EXT1: variants seen among roughly 807,000 people sequenced by gnomAD.
EXT1 encodes the protein exostosin glycosyltransferase 1, also known as exostosin-1.
Under a neutral mutation model 82.5 loss-of-function variants are expected in EXT1, and 20 were observed. The observed-to-expected ratio is 0.24, with a 90% CI of 0.17 to 0.35. The LOEUF (loss-of-function observed/expected upper bound fraction) is 0.35, where lower values mean the gene tolerates loss of function less well. EXT1 is among the 10% of genes least tolerant of loss of function. The pLI, the probability that EXT1 is intolerant of heterozygous loss-of-function variation, is 1.00. For synonymous variants in EXT1, 348 were observed against 350.8 expected, an observed-to-expected ratio of 0.99 and a Z score of 0.09; for missense variants, 757 against 936.5, an observed-to-expected ratio of 0.81 and a Z score of 2.50.
intron 4 of EXT1, among the ~76,000 whole-genome samples, chr8:117,824,309 AC>A (rs1451199621): frequency 6.6e-6 from 1 of 152,170 alleles, no homozygotes; most frequent in Non-Finnish European, 1.5e-5. Context: ...ATTGTCATAG[AC>A]TATCTTTTTG....
In EXT1 at chr8:117,798,294, T is replaced by A. The variant is rs2129674877; in HGVS notation, c.*1418A>T. On this transcript the variant is annotated 3_prime_UTR_variant, in exon 11 of 11. Transcript: ENST00000378204. ...CTTATTGTTTATTCAGCATAATACA[T>A]GGTCAAACTCAATAATGTCTTTCTC... The A allele has an allele frequency of 6.6e-6, 1 of 152,322 alleles. No homozygotes were observed. Among genetic ancestry groups the A allele is most frequent in the African/African-American group, 2.4e-5 (1 of 41,582 alleles). The allele number at this position is 152,322 out of a possible 1,614,324, so 9.4% of individuals were successfully genotyped here.
chr8:118,094,496 C>T (rs1468178633), intron 1 of EXT1, among the ~76,000 whole-genome samples: 1 of 152,178 alleles, frequency 6.6e-6, no homozygotes, highest in Admixed American at 6.5e-5. Context: ...AAGTTACAGG[C>T]ATCAAATGTA....
chr8:117,904,690 C>A (rs1307073707), intron 1 of EXT1, among the ~76,000 whole-genome samples: 1 of 152,116 alleles, frequency 6.6e-6, no homozygotes, highest in Admixed American at 6.5e-5. Flanking sequence ...CTACCTGCCC[C>A]CCAACACCAG....
At chr8:117,972,195 G>A (rs1586317597) in intron 1 of EXT1, among the ~76,000 whole-genome samples, 1 of 150,428 alleles carries the variant, frequency 6.6e-6, no homozygotes. Context: ...ATGAAAAACA[G>A]AAAAATGAAA....
At chr8:117,901,145 G>A (rs575263039) in intron 1 of EXT1, among the ~76,000 whole-genome samples, 6 of 152,316 alleles carry the variant, frequency 3.9e-5, no homozygotes, top group African/African-American at 4.8e-5. Context: ...ATGGGGTTAC[G>A]TTCTAAGAAG....
At chr8:117,954,192 G>A (rs1012556114) in intron 1 of EXT1, among the ~76,000 whole-genome samples, 1 of 152,180 alleles carries the variant, frequency 6.6e-6, no homozygotes, top group East Asian at 1.9e-4. Context: ...GCCCAGCTCT[G>A]ACTGCCCCTC....
At chr8:117,900,316 C>T (rs1813417979) in intron 1 of EXT1, among the ~76,000 whole-genome samples, 1 of 152,226 alleles carries the variant, frequency 6.6e-6, no homozygotes, top group Non-Finnish European at 1.5e-5. Flanking sequence ...TACACACCAC[C>T]TGCTTTTCAT....
At chr8:118,027,509 C>T (rs779479563) in intron 1 of EXT1, among the ~76,000 whole-genome samples, 3 of 152,196 alleles carry the variant, frequency 2.0e-5, no homozygotes, top group Non-Finnish European at 2.9e-5. Context: ...ACTATCTTCA[C>T]ACCTCCCTCT....
chr8:117,984,948 C>T (rs973651158), intron 1 of EXT1, among the ~76,000 whole-genome samples: 1 of 152,120 alleles, frequency 6.6e-6, no homozygotes, highest in East Asian at 1.9e-4. Flanking sequence ...CAGTCAGGAA[C>T]GCTACGGACG....
chr8:117,950,309 A>G (rs1586304418), intron 1 of EXT1, among the ~76,000 whole-genome samples: 1 of 152,210 alleles, frequency 6.6e-6, no homozygotes, highest in East Asian at 1.9e-4. Context: ...CATAAAGTCA[A>G]CAACACATCT....
At chr8:117,878,703 C>CCAGTG in intron 1 of EXT1, among the ~76,000 whole-genome samples, 1 of 152,206 alleles carries the variant, frequency 6.6e-6, no homozygotes, top group East Asian at 1.9e-4. Context: ...AATGCAACTA[C>CCAGTG]CTCAATGCCC....
intron 1 of EXT1, among the ~76,000 whole-genome samples, chr8:117,912,843 G>C (rs955487303): frequency 6.6e-6 from 1 of 152,166 alleles, no homozygotes; most frequent in African/African-American, 2.4e-5. Flanking sequence ...GAAACCATGA[G>C]CTAGGTTCCA....
intron 1 of EXT1, among the ~76,000 whole-genome samples, chr8:117,946,968 C>A (rs188235071): frequency 1.3e-5 from 2 of 151,950 alleles, no homozygotes; most frequent in Non-Finnish European, 2.9e-5. Flanking sequence ...ATTTATGGGG[C>A]GGATTTTTGA....
chr8:117,858,758 AAGGAAGGAAGGC>A lies in EXT1; in HGVS notation c.963-21569_963-21558del, dbSNP rs1295705397. 4.7e-3 allele frequency among the ~76,000 whole-genome samples: 256 copies of A among 54,778 alleles called. 3 individuals are homozygous for A. Among genetic ancestry groups the A allele is most frequent in the East Asian group, 5.6e-3 (18 of 3,202 alleles). The allele number at this position is 54,778 out of a possible 152,430, so 35.9% of individuals were successfully genotyped here. ...GAAGGAAGGAAGGAAGGAAGGAAGG[AAGGAAGGAAGGC>A]AGGCAGGCAGGCAGGCAGGCAAGGC... On this transcript the variant is annotated intron_variant, in intron 1 of 10. Coordinates refer to ENST00000378204, the MANE Select transcript of EXT1 (RefSeq NM_000127.3).
At chr8:117,990,225 A>G (rs767977146) in intron 1 of EXT1, among the ~76,000 whole-genome samples, 1 of 152,228 alleles carries the variant, frequency 6.6e-6, no homozygotes, top group African/African-American at 2.4e-5. Flanking sequence ...CTCTCTTCCT[A>G]TAGAGAAAGT....
At chr8:118,073,641 AGAGAAG>A (rs1586377819) in intron 1 of EXT1, among the ~76,000 whole-genome samples, 6 of 58,544 alleles carry the variant, frequency 1.0e-4, no homozygotes, top group African/African-American at 2.9e-4. Flanking sequence ...AAAGAAGAGA[AGAGAAG>A]AGAAGAGAAG....
chr8:117,897,759 T>C (rs1423803881), intron 1 of EXT1, among the ~76,000 whole-genome samples: 1 of 151,814 alleles, frequency 6.6e-6, no homozygotes, highest in East Asian at 1.9e-4. Flanking sequence ...CACGCCCAGC[T>C]AATTTTTGTA....
chr8:117,879,446 A>C (rs1813025035), intron 1 of EXT1, among the ~76,000 whole-genome samples: 1 of 152,174 alleles, frequency 6.6e-6, no homozygotes, highest in Admixed American at 6.5e-5. Flanking sequence ...CACATGAAAA[A>C]AAAAAAGGAA....
chr8:118,110,598 T>C lies in EXT1; in HGVS notation c.449A>G (p.Gln150Arg), dbSNP rs1817880148. 1 of 1,614,218 alleles carries C rather than the reference T, an allele frequency of 6.2e-7. No individual in the cohort carries two copies. The highest frequency in any genetic ancestry group is 8.5e-7 in the Non-Finnish European group (1 of 1,180,040). The change falls in exon 1 of 11, where the codon CAG becomes CGG. Residue 150 changes from glutamine (Q) to arginine (R), a missense_variant. Around this residue, in one of 4 missense-constraint regions of EXT1, gnomAD observed 247 missense variants for 330.1 expected, o/e 0.75. Coordinates refer to ENST00000378204, the MANE Select transcript of EXT1 (RefSeq NM_000127.3). ...CAGACTCAGGACAAAGAGGCACGCCTGGCTGGGGTCCGAGGTGTAGAACCT... is the reference window on the plus strand; with the variant it reads ...CAGACTCAGGACAAAGAGGCACGCCCGGCTGGGGTCCGAGGTGTAGAACCT... ...GSRFYTSDPSQACLFVLSLDT... is the reference protein window; with the variant it reads ...GSRFYTSDPSRACLFVLSLDT...
Sources: allele counts gnomAD v4.1 joint callset (sites outside exome capture counted in the v4.1 genomes callset), GRCh38; gene constraint gnomAD v4.1.1; regional missense constraint gnomAD v4.1.1; transcripts MANE v1.5; gene names NCBI Gene and HGNC (gene_info 2026-07-23, HGNC 2026-07-21).